Variants in GPR149 observed in about 807,000 individuals in gnomAD.
GPR149 encodes the protein G protein-coupled receptor 149, also known as probable G protein-coupled receptor 149.
Under a neutral mutation model 50.2 loss-of-function variants are expected in GPR149, and 50 were observed. That is an observed-to-expected ratio of 1.00 (90% CI 0.79 to 1.26). The LOEUF is 1.26. Among genes scored for constraint, GPR149 ranks in the 50% most tolerant of loss-of-function variants. The pLI, the probability that GPR149 is intolerant of heterozygous loss-of-function variation, is 0.00. For missense variants in GPR149, 983 were observed against 895.4 expected, an observed-to-expected ratio of 1.10 and a Z score of -1.25; for synonymous variants, 405 against 358.2, an observed-to-expected ratio of 1.13 and a Z score of -1.48.
intron 3 of GPR149, among the ~76,000 whole-genome samples, chr3:154,393,993 C>T (rs2108414183): frequency 6.6e-6 from 1 of 152,010 alleles, no homozygotes; most frequent in East Asian, 1.9e-4. Context: ...TTACTCAAAG[C>T]AATGTAGAGA....
At chr3:154,377,994 T>C (rs1363838575) in intron 3 of GPR149, among the ~76,000 whole-genome samples, 1 of 152,058 alleles carries the variant, frequency 6.6e-6, no homozygotes, top group Non-Finnish European at 1.5e-5. Flanking sequence ...CTTTGCATAC[T>C]GTTTTTGAAG....
At chr3:154,411,656 T>C (rs969277966) in intron 3 of GPR149, among the ~76,000 whole-genome samples, 3 of 151,970 alleles carry the variant, frequency 2.0e-5, no homozygotes, top group Admixed American at 6.6e-5. Flanking sequence ...CAGGAAGATA[T>C]AGAACCTTTA....
intron 3 of GPR149, chr3:154,353,722 G>A: frequency 3.8e-6 from 4 of 1,064,988 alleles, no homozygotes; most frequent in Non-Finnish European, 5.7e-6. Context: ...TTTAAAAATT[G>A]TTTCTTGATT....
At chr3:154,345,610 A>C (rs1425313710) in intron 3 of GPR149, among the ~76,000 whole-genome samples, 1 of 152,210 alleles carries the variant, frequency 6.6e-6, no homozygotes, top group Non-Finnish European at 1.5e-5. Context: ...CCATGTAAAC[A>C]CACTAGCACA....
chr3:154,418,760 A>G (rs1318383535), intron 3 of GPR149, among the ~76,000 whole-genome samples: 1 of 151,510 alleles, frequency 6.6e-6, no homozygotes, highest in Non-Finnish European at 1.5e-5. Flanking sequence ...GCACATGTAT[A>G]CATATGTAAC....
intron 3 of GPR149, among the ~76,000 whole-genome samples, chr3:154,397,369 A>T (rs1048878111): frequency 6.6e-6 from 1 of 152,172 alleles, no homozygotes; most frequent in Non-Finnish European, 1.5e-5. Flanking sequence ...AATGCATTTT[A>T]TGCTGTATTT....
intron 3 of GPR149, among the ~76,000 whole-genome samples, chr3:154,355,957 C>A (rs41487747): frequency 0.024 from 3,690 of 152,180 alleles, 161 homozygotes; most frequent in African/African-American, 0.084. Flanking sequence ...GACAAGAATA[C>A]TTTCGTCAAA....
chr3:154,426,605 T>C (rs1447010592), intron 2 of GPR149, among the ~76,000 whole-genome samples: 2 of 152,206 alleles, frequency 1.3e-5, no homozygotes, highest in Non-Finnish European at 2.9e-5. Flanking sequence ...TACAATAATC[T>C]CCTTTTTCTT....
chr3:154,429,121 C>G lies in GPR149; in HGVS notation c.495G>C (p.Ser165=), dbSNP rs764808269. The change falls in exon 1 of 4, where the codon TCG becomes TCC. Residue 165 remains serine, a synonymous_variant. Coordinates refer to ENST00000389740, the MANE Select transcript of GPR149 (RefSeq NM_001038705.3). ...CGCCCCAGCCGCACAGCGGGAGCGCCGAGAGCAGCAGACTGGCTGCCCACA... is the reference window on the plus strand; with the variant it reads ...CGCCCCAGCCGCACAGCGGGAGCGCGGAGAGCAGCAGACTGGCTGCCCACA... ...LTVWAASLLL[S]ALPLCGWGAF... is the part of the protein sequence containing the mutation. The G allele has an allele frequency of 7.4e-6, 12 of 1,613,494 alleles. No homozygotes were observed. The highest frequency in any genetic ancestry group is 4.0e-5 in the African/African-American group (3 of 74,936).
intron 3 of GPR149, among the ~76,000 whole-genome samples, chr3:154,345,768 G>A (rs1713911911): frequency 3.9e-5 from 6 of 152,194 alleles, no homozygotes; most frequent in Admixed American, 3.9e-4. Context: ...AGAAGGTGAA[G>A]TAGTCTGTTG....
At chr3:154,353,016 T>G (rs1714120975) in intron 3 of GPR149, 1 of 1,336,700 alleles carries the variant, frequency 7.5e-7, no homozygotes, top group African/African-American at 1.4e-5. Context: ...CACCAAAACT[T>G]TAAAACTATC....
intron 3 of GPR149, among the ~76,000 whole-genome samples, chr3:154,414,703 A>T (rs916312761): frequency 1.4e-4 from 22 of 152,020 alleles, no homozygotes; most frequent in Non-Finnish European, 3.1e-4. Flanking sequence ...AAAGACGAAC[A>T]TCACTTTTGT....
chr3:154,426,189 A>T (rs1475725542), intron 2 of GPR149, among the ~76,000 whole-genome samples: 2 of 152,182 alleles, frequency 1.3e-5, no homozygotes, highest in African/African-American at 4.8e-5. Flanking sequence ...CATTATTATA[A>T]GTTCTAAGGT....
intron 3 of GPR149, among the ~76,000 whole-genome samples, chr3:154,370,756 C>A (rs190227260): frequency 1.7e-4 from 26 of 152,266 alleles, no homozygotes; most frequent in Middle Eastern, 3.4e-3. Flanking sequence ...CTGCCCTGAA[C>A]GACTGTCCTC....
chr3:154,398,535 T>C (rs1224780010), intron 3 of GPR149, among the ~76,000 whole-genome samples: 1 of 152,168 alleles, frequency 6.6e-6, no homozygotes. Flanking sequence ...GAAACCATTG[T>C]GGTTTTTCAA....
At chr3:154,380,939 C>G (rs1349001973) in intron 3 of GPR149, among the ~76,000 whole-genome samples, 2 of 152,118 alleles carry the variant, frequency 1.3e-5, no homozygotes, top group Non-Finnish European at 2.9e-5. Flanking sequence ...ATATTATGCT[C>G]AAAACCAGTG....
Position 154,429,172 on chromosome 3 carries a change from G to T in GPR149, c.444C>A (p.Gly148=). ...CGGTCAGCACCACGCCGAGCACCTG[G>T]CCCGATCTTCTGGAGGCTGTCTGGC... The part of the protein sequence containing the change: ...VGSQTASRRS[G]QVLGVVLTVW... The change falls in exon 1 of 4, where the codon GGC becomes GGA. Residue 148 remains glycine, a synonymous_variant. Transcript: ENST00000389740. The T allele has an allele frequency of 6.2e-7, 1 of 1,613,962 alleles. No homozygotes were observed. Among genetic ancestry groups the T allele is most frequent in the Non-Finnish European group, 8.5e-7 (1 of 1,179,978 alleles).
intron 3 of GPR149, among the ~76,000 whole-genome samples, chr3:154,372,308 C>G (rs1714684958): frequency 6.6e-6 from 1 of 152,060 alleles, no homozygotes; most frequent in Admixed American, 6.6e-5. Flanking sequence ...GTTTTCTTCC[C>G]AAGAAAGCTA....
chr3:154,388,849 G>C, intron 3 of GPR149, among the ~76,000 whole-genome samples: 1 of 144,170 alleles, frequency 6.9e-6, no homozygotes. Flanking sequence ...CAGGGTTATG[G>C]TAACATTTCA....
Sources: allele counts gnomAD v4.1 joint callset (sites outside exome capture counted in the v4.1 genomes callset), GRCh38; gene constraint gnomAD v4.1.1; transcripts MANE v1.5; gene names NCBI Gene and HGNC (gene_info 2026-07-23, HGNC 2026-07-21).